Variants in PPP6R3 observed in about 807,000 individuals in gnomAD.
PPP6R3 encodes the protein protein phosphatase 6 regulatory subunit 3.
PPP6R3 carries 38 observed loss-of-function variants against 110.7 expected under a neutral mutation model. The observed-to-expected ratio is 0.34, with a 90% CI of 0.26 to 0.45. The LOEUF is 0.45. PPP6R3 is among the 20% of genes least tolerant of loss of function. PPP6R3 has a pLI of 1.00. For missense variants in PPP6R3, 870 were observed against 1,062.4 expected, an observed-to-expected ratio of 0.82 and a Z score of 2.52; for synonymous variants, 369 against 373.5, an observed-to-expected ratio of 0.99 and a Z score of 0.14.
intron 5 of PPP6R3, among the ~76,000 whole-genome samples, chr11:68,549,971 G>C (rs1023862490): frequency 6.6e-6 from 1 of 152,158 alleles, no homozygotes; most frequent in African/African-American, 2.4e-5. Context: ...CGCCTGGAAA[G>C]TTTCCTGGTT....
chr11:68,544,163 T>C (rs1453172223), intron 3 of PPP6R3, among the ~76,000 whole-genome samples: 2 of 152,162 alleles, frequency 1.3e-5, no homozygotes, highest in African/African-American at 2.4e-5. Context: ...CAGTCATAGC[T>C]CTTTGTAGCC....
chr11:68,480,573 C>T (rs1220049969), intron 1 of PPP6R3, among the ~76,000 whole-genome samples: 1 of 152,152 alleles, frequency 6.6e-6, no homozygotes, highest in Admixed American at 6.6e-5. Context: ...AATATCGTGT[C>T]CAGGATTTTT....
intron 1 of PPP6R3, among the ~76,000 whole-genome samples, chr11:68,479,762 A>G (rs1469698924): frequency 1.3e-5 from 2 of 151,330 alleles, no homozygotes; most frequent in African/African-American, 4.9e-5. Context: ...TTTTTGAGAC[A>G]GGTCCTTGCT....
At chr11:68,528,433 T>TG (rs10557748) in intron 2 of PPP6R3, among the ~76,000 whole-genome samples, 53,905 of 125,422 alleles carry the variant, frequency 0.43, 11,936 homozygotes, top group South Asian at 0.55. Context: ...TTTGTGTGTG[T>TG]GGGGGGGGGG....
chr11:68,581,468 A>G (rs1268149255), intron 14 of PPP6R3, among the ~76,000 whole-genome samples: 34 of 152,228 alleles, frequency 2.2e-4, no homozygotes, highest in Admixed American at 2.2e-3. Flanking sequence ...GTTTTGTCCT[A>G]TTTTGCTCAG....
chr11:68,566,911 G>A (rs535330381), intron 9 of PPP6R3, 103 bp from the exon 10 acceptor site: 1 of 932,218 alleles, frequency 1.1e-6, no homozygotes, highest in African/African-American at 1.7e-5. Flanking sequence ...TAAAATTCAG[G>A]CCATGTTGTT....
rs145739231 is a variant in PPP6R3, at chr11:68,578,911, C to T, written c.1545+2868C>T. Among the ~76,000 whole-genome samples the T allele has an allele frequency of 3.9e-3, 599 of 152,294 alleles. 2 individuals are homozygous for T. Among genetic ancestry groups the T allele is most frequent in the African/African-American group, 0.014 (574 of 41,560 alleles). On this transcript the variant is annotated intron_variant, in intron 14 of 23. Coordinates refer to ENST00000393800, the MANE Select transcript of PPP6R3 (RefSeq NM_001164161.2). ...TCTGTGTTTTGACCAAGTCCCCAAA[C>T]TAAAAATTGGCAAGGATTTAGGTAG...
At chr11:68,507,308 C>G (rs1485707053) in intron 1 of PPP6R3, among the ~76,000 whole-genome samples, 1 of 135,430 alleles carries the variant, frequency 7.4e-6, no homozygotes, top group Non-Finnish European at 1.5e-5. Context: ...TCTTGGTGTT[C>G]CTACCTCGGG....
intron 2 of PPP6R3, among the ~76,000 whole-genome samples, chr11:68,533,704 CAAAAAA>C (rs58617776): frequency 2.3e-4 from 13 of 56,164 alleles, no homozygotes; most frequent in South Asian, 9.7e-4. Context: ...GACCTTGTCT[CAAAAAA>C]AAAAAAAAAA....
chr11:68,471,011 G>A (rs1453635015), intron 1 of PPP6R3, among the ~76,000 whole-genome samples: 3 of 151,886 alleles, frequency 2.0e-5, no homozygotes, highest in African/African-American at 4.8e-5. Context: ...GGCCGGGCGC[G>A]GTGGCTCACT....
intron 1 of PPP6R3, among the ~76,000 whole-genome samples, chr11:68,493,541 T>A (rs1488858240): frequency 6.7e-6 from 1 of 149,760 alleles, no homozygotes; most frequent in Non-Finnish European, 1.5e-5. Flanking sequence ...AAAGTGATCC[T>A]CCTGCTACAG....
chr11:68,542,006 C>T (rs190398422), intron 3 of PPP6R3, among the ~76,000 whole-genome samples: 9 of 151,912 alleles, frequency 5.9e-5, no homozygotes, highest in Admixed American at 2.6e-4. Flanking sequence ...AGTGGTAGGT[C>T]GAGGCAGATT....
intron 1 of PPP6R3, among the ~76,000 whole-genome samples, 172 bp from the exon 2 acceptor site, chr11:68,519,329 C>A (rs1197105989): frequency 6.6e-6 from 1 of 152,090 alleles, no homozygotes; most frequent in Admixed American, 6.5e-5. Flanking sequence ...GATGACAGTG[C>A]TTTTTTTCTT....
intron 9 of PPP6R3, among the ~76,000 whole-genome samples, chr11:68,565,303 A>T (rs372918736): frequency 7.2e-5 from 11 of 151,976 alleles, no homozygotes; most frequent in African/African-American, 2.2e-4. Context: ...ACCTGATGCC[A>T]TTGGTGAGCA....
At chr11:68,550,725 A>G (rs2099367559) in intron 5 of PPP6R3, among the ~76,000 whole-genome samples, 1 of 152,138 alleles carries the variant, frequency 6.6e-6, no homozygotes, top group Non-Finnish European at 1.5e-5. Context: ...GCTCTTCTCA[A>G]TCTTTCTGAA....
At chr11:68,487,068 G>A (rs2098952282) in intron 1 of PPP6R3, among the ~76,000 whole-genome samples, 2 of 151,888 alleles carry the variant, frequency 1.3e-5, no homozygotes, top group South Asian at 4.2e-4. Flanking sequence ...CCTGTTTTCA[G>A]TTTCATTGAT....
intron 1 of PPP6R3, among the ~76,000 whole-genome samples, chr11:68,511,463 A>AGTGTGTGTGTGTGTGTGTGTGTTTGTGT (rs2099109141): frequency 7.2e-6 from 1 of 138,512 alleles, no homozygotes; most frequent in Non-Finnish European, 1.6e-5. Flanking sequence ...ACTGTGTTAG[A>AGTGTGTGTGTGTGTGTGTGTGTTTGTGT]GTGTGTGTGT....
intron 1 of PPP6R3, among the ~76,000 whole-genome samples, chr11:68,472,764 C>G (rs1425145792): frequency 6.6e-6 from 1 of 152,072 alleles, no homozygotes; most frequent in African/African-American, 2.4e-5. Flanking sequence ...ATTTTTGTCA[C>G]CCCCTCAACG....
intron 1 of PPP6R3, among the ~76,000 whole-genome samples, chr11:68,515,698 A>G (rs918592254): frequency 2.6e-5 from 4 of 152,188 alleles, no homozygotes; most frequent in Non-Finnish European, 4.4e-5. Context: ...GGTGTCTCAT[A>G]AGGACACTAA....
Sources: allele counts gnomAD v4.1 joint callset (sites outside exome capture counted in the v4.1 genomes callset), GRCh38; gene constraint gnomAD v4.1.1; transcripts MANE v1.5; gene names NCBI Gene and HGNC (gene_info 2026-07-23, HGNC 2026-07-21).